Variants in GABRR3 observed in about 807,000 individuals in gnomAD.
GABRR3 encodes gamma-aminobutyric acid receptor subunit rho-3.
GABRR3 carries 29 observed loss-of-function variants against 43.2 expected under a neutral mutation model. The ratio of observed to expected loss-of-function variants is 0.67; its 90% CI spans 0.50 to 0.92. The LOEUF (loss-of-function observed/expected upper bound fraction) is 0.92, where lower values mean the gene tolerates loss of function less well. GABRR3 is among the 40% of genes least tolerant of loss of function. The pLI is 0.00. For missense variants in GABRR3, 576 were observed against 572.3 expected (o/e 1.01, Z -0.07); for synonymous variants, 206 against 195.9 (o/e 1.05, Z -0.43).
intron 9 of GABRR3, among the ~76,000 whole-genome samples, chr3:97,992,404 T>A (rs1002265150): frequency 6.6e-6 from 1 of 152,170 alleles, no homozygotes; most frequent in Non-Finnish European, 1.5e-5. Context: ...CTGCATTTAT[T>A]CCACCTCTGT....
At chr3:97,985,289 C>T (rs566111255), downstream of GABRR3, among the ~76,000 whole-genome samples, 1 of 152,286 alleles carries the variant, frequency 6.6e-6, no homozygotes, top group South Asian at 2.1e-4. Flanking sequence ...TCCTACTTAA[C>T]AAAAATTTAT....
At chr3:98,000,901 A>C (rs906746532) in intron 8 of GABRR3, 1 of 152,112 alleles carries the variant, frequency 6.6e-6, no homozygotes, top group African/African-American at 2.4e-5. Flanking sequence ...CTAAGATCTC[A>C]ATAACTGCTA....
At chr3:97,998,484 G>A (rs1254999894) in intron 8 of GABRR3, 1 of 152,140 alleles carries the variant, frequency 6.6e-6, no homozygotes, top group Non-Finnish European at 1.5e-5. Context: ...TAGACCAATG[G>A]ATTGTAATCT....
intron 7 of GABRR3, among the ~76,000 whole-genome samples, chr3:98,002,456 T>C (rs1409465219): frequency 6.6e-6 from 1 of 152,140 alleles, no homozygotes; most frequent in Non-Finnish European, 1.5e-5. Context: ...CAGGTTTACC[T>C]CTCCCATTGA....
At chr3:98,033,818 G>C (rs1707120544) in intron 2 of GABRR3, among the ~76,000 whole-genome samples, 1 of 152,168 alleles carries the variant, frequency 6.6e-6, no homozygotes, top group African/African-American at 2.4e-5. Context: ...CTGGGTCTGG[G>C]AGCAGAAGCA....
At chr3:98,016,328 C>T (rs920466151) in intron 4 of GABRR3, among the ~76,000 whole-genome samples, 2 of 152,096 alleles carry the variant, frequency 1.3e-5, no homozygotes, top group Admixed American at 6.6e-5. Flanking sequence ...CTTCTTCACC[C>T]CTGCCACCTG....
At chr3:97,997,114 C>A (rs1706571711) in intron 8 of GABRR3, among the ~76,000 whole-genome samples, 1 of 152,114 alleles carries the variant, frequency 6.6e-6, no homozygotes, top group Non-Finnish European at 1.5e-5. Context: ...TGTCCCACAG[C>A]AAAACATGAA....
At chr3:98,026,956 T>C (rs1357090075) in intron 2 of GABRR3, among the ~76,000 whole-genome samples, 1 of 152,160 alleles carries the variant, frequency 6.6e-6, no homozygotes, top group Admixed American at 6.5e-5. Flanking sequence ...AGATGTGTAG[T>C]TTATCATTGA....
exon 10 of GABRR3, chr3:97,986,975 C>T (rs778024677): frequency 3.2e-6 from 5 of 1,562,866 alleles, no homozygotes; most frequent in South Asian, 2.4e-5. Context: ...ATTGTACATC[C>T]TAGAAATCTG....
exon 7 of GABRR3, chr3:98,007,791 T>C: frequency 6.2e-7 from 1 of 1,613,578 alleles, no homozygotes; most frequent in South Asian, 1.1e-5. Flanking sequence ...GCTAATCCAC[T>C]AGATGCACTG....
chr3:98,034,614 A>T (rs574767896), intron 2 of GABRR3, among the ~76,000 whole-genome samples: 2 of 152,248 alleles, frequency 1.3e-5, no homozygotes, highest in East Asian at 3.9e-4. Context: ...CCTTACATGA[A>T]CCCTTTAACT....
exon 6 of GABRR3, chr3:98,008,960 T>C: frequency 6.3e-7 from 1 of 1,597,368 alleles, no homozygotes; most frequent in Non-Finnish European, 8.5e-7. Flanking sequence ...ACTTACAGCT[T>C]TCCAGTTCAA....
intron 2 of GABRR3, among the ~76,000 whole-genome samples, chr3:98,032,396 A>G (rs1337703323): frequency 6.6e-6 from 1 of 152,204 alleles, no homozygotes; most frequent in African/African-American, 2.4e-5. Context: ...GATTATTTTC[A>G]AGGCCAGAGT....
intron 4 of GABRR3, 96 bp downstream of exon 4, chr3:98,017,559 A>G: frequency 1.2e-6 from 1 of 838,664 alleles, no homozygotes; most frequent in Non-Finnish European, 2.0e-6. Context: ...TAAATAACAT[A>G]CATAATTAAA....
At chr3:98,031,319 A>G (rs1255688052) in intron 2 of GABRR3, among the ~76,000 whole-genome samples, 2 of 152,216 alleles carry the variant, frequency 1.3e-5, no homozygotes, top group African/African-American at 4.8e-5. Flanking sequence ...ATTAGCAGCT[A>G]GTCTGCAGAC....
At chr3:97,996,968 C>T (rs893561478) in intron 8 of GABRR3, among the ~76,000 whole-genome samples, 1 of 152,138 alleles carries the variant, frequency 6.6e-6, no homozygotes, top group African/African-American at 2.4e-5. Flanking sequence ...TTAACAACTA[C>T]GTACTGAATA....
intron 5 of GABRR3, 68 bp downstream of exon 5, chr3:98,012,276 G>A (rs1706802551): frequency 1.8e-6 from 2 of 1,096,590 alleles, no homozygotes; most frequent in African/African-American, 3.1e-5. Flanking sequence ...TCTGAAATAA[G>A]CATCATCAGC....
At chr3:98,032,623 T>C (rs1707101499) in intron 2 of GABRR3, among the ~76,000 whole-genome samples, 1 of 152,222 alleles carries the variant, frequency 6.6e-6, no homozygotes, top group South Asian at 2.1e-4. Context: ...ACTTTGTTTT[T>C]AGGAAACAAA....
intron 5 of GABRR3, 88 bp from the exon 6 acceptor site, chr3:98,009,126 G>A: frequency 1.2e-6 from 1 of 820,748 alleles, no homozygotes; most frequent in Non-Finnish European, 2.0e-6. Context: ...CTTACTGTTT[G>A]CTGGTTCTGT....
Sources: gnomAD v4.1 joint callset for allele counts (sites outside exome capture counted in the v4.1 genomes callset) on GRCh38, gnomAD v4.1.1 for gene constraint, MANE v1.5 for transcripts, NCBI Gene and HGNC (gene_info 2026-07-23, HGNC 2026-07-21) for gene names.